The following NR6A1 variants were observed in gnomAD, a reference collection of about 807,000 sequenced individuals.
The protein encoded by NR6A1 is retinoic acid receptor-related testis-associated receptor.
Under a neutral mutation model 59.1 loss-of-function variants are expected in NR6A1, and 7 were observed. The observed-to-expected ratio is 0.12, with a 90% confidence interval of 0.07 to 0.22. NR6A1 has a LOEUF of 0.22. Among genes scored for constraint, NR6A1 ranks in the 10% least tolerant of loss-of-function variants. The probability of loss-of-function intolerance (pLI) is 1.00; values close to 1 mark genes in which losing one functional copy is unlikely to be tolerated. For synonymous variants in NR6A1, 243 were observed against 236.1 expected, an observed-to-expected ratio of 1.03 and a Z score of -0.27; for missense variants, 468 against 611.6, an observed-to-expected ratio of 0.77 and a Z score of 2.48.
At chr9:124,601,661 A>G (rs996691865) in intron 2 of NR6A1, among the ~76,000 whole-genome samples, 1 of 151,598 alleles carries the variant, frequency 6.6e-6, no homozygotes, top group Non-Finnish European at 1.5e-5. Flanking sequence ...TATAAAGCAT[A>G]TATAGAGTAT....
chr9:124,632,597 G>A (rs953079748), intron 2 of NR6A1, among the ~76,000 whole-genome samples: 2 of 152,164 alleles, frequency 1.3e-5, no homozygotes, highest in African/African-American at 4.8e-5. Context: ...TTAGATTTAG[G>A]AGAAAGGATT....
intron 2 of NR6A1, among the ~76,000 whole-genome samples, chr9:124,699,281 T>G (rs1161174140): frequency 1.3e-5 from 2 of 152,186 alleles, no homozygotes; most frequent in Non-Finnish European, 2.9e-5. Flanking sequence ...ACCAGCAGTA[T>G]ATGTGTGCAA....
intron 2 of NR6A1, among the ~76,000 whole-genome samples, chr9:124,555,955 G>A (rs561423600): frequency 1.3e-5 from 2 of 152,194 alleles, no homozygotes; most frequent in Non-Finnish European, 2.9e-5. Flanking sequence ...TGTTAGCAGA[G>A]GGTCATGGTA....
Position 124,522,701 on chromosome 9 carries a change from C to T in NR6A1, c.*4G>A. On this transcript the variant is annotated 3_prime_UTR_variant, in exon 10 of 10. Transcript: ENST00000487099. ...GTTGGCCTGAGGAGGGCGCCTGGAA[C>T]AGGTCATTCCTTGCCCACACTGGTC... The T allele has an allele frequency of 6.4e-7, 1 of 1,569,520 alleles. No homozygotes were observed. The highest frequency in any genetic ancestry group is 8.6e-7 in the Non-Finnish European group (1 of 1,157,742).
intron 2 of NR6A1, among the ~76,000 whole-genome samples, chr9:124,672,283 G>C (rs1837815926): frequency 6.6e-6 from 1 of 152,110 alleles, no homozygotes; most frequent in Non-Finnish European, 1.5e-5. Context: ...ATATCTTTCA[G>C]TGCACACATT....
chr9:124,666,487 C>T (rs942228686), intron 2 of NR6A1, among the ~76,000 whole-genome samples: 2 of 152,090 alleles, frequency 1.3e-5, no homozygotes, highest in African/African-American at 4.8e-5. Context: ...CCATGTTGCC[C>T]AGGCTAGTCT....
chr9:124,619,461 CCA>C (rs1835999165), intron 2 of NR6A1, among the ~76,000 whole-genome samples: 1 of 152,094 alleles, frequency 6.6e-6, no homozygotes, highest in Non-Finnish European at 1.5e-5. Context: ...TAGTGTTTCA[CCA>C]CGTTTCCCAG....
At chr9:124,557,941 C>T (rs537666881) in intron 2 of NR6A1, among the ~76,000 whole-genome samples, 7 of 152,276 alleles carry the variant, frequency 4.6e-5, no homozygotes, top group Admixed American at 2.6e-4. Flanking sequence ...CACTGAACAC[C>T]CACCACAACT....
At chr9:124,649,741 C>T (rs114857032) in intron 2 of NR6A1, among the ~76,000 whole-genome samples, 1,570 of 152,042 alleles carry the variant, frequency 0.01, 26 homozygotes, top group African/African-American at 0.036. Flanking sequence ...ATACACGGAA[C>T]TCAATAGCAA....
chr9:124,736,715 G>A (rs557222872), intron 1 of NR6A1, among the ~76,000 whole-genome samples: 1 of 152,124 alleles, frequency 6.6e-6, no homozygotes, highest in South Asian at 2.1e-4. Flanking sequence ...GTGTGGTGGT[G>A]TATGCCTGTA....
chr9:124,551,809 T>C (rs527886933), intron 3 of NR6A1, among the ~76,000 whole-genome samples: 1 of 152,306 alleles, frequency 6.6e-6, no homozygotes, highest in African/African-American at 2.4e-5. Flanking sequence ...TTTTGACAAA[T>C]GCACAGAATT....
chr9:124,748,104 C>T (rs1298415971), intron 1 of NR6A1, among the ~76,000 whole-genome samples: 1 of 152,150 alleles, frequency 6.6e-6, no homozygotes, highest in Non-Finnish European at 1.5e-5. Flanking sequence ...AATATACCAA[C>T]TTTGATGTTA....
intron 5 of NR6A1, among the ~76,000 whole-genome samples, chr9:124,539,156 T>A (rs1833371311): frequency 6.6e-6 from 1 of 152,086 alleles, no homozygotes; most frequent in African/African-American, 2.4e-5. Context: ...CTACCCACCT[T>A]GACCTCCCAA....
rs923715215 is a variant in NR6A1 at position 124,520,963 on chromosome 9, C to T, written c.*1742G>A. The T allele has an allele frequency of 1.8e-4, 28 of 152,168 alleles. No individual in the cohort carries two copies. Among genetic ancestry groups the T allele is most frequent in the Non-Finnish European group, 1.5e-5 (1 of 68,042 alleles). 9.4% of individuals were successfully genotyped at this position (152,168 alleles called of 1,614,324 possible). On this transcript the variant is annotated 3_prime_UTR_variant, in exon 10 of 10. Coordinates refer to ENST00000487099, the MANE Select transcript of NR6A1 (RefSeq NM_033334.4). ...TCTGCTGGTACCCGTAACATTTCAC[C>T]AGAAAGAAACAATTACAATCAGACA...
rs1832731974 is a variant in NR6A1 at position 124,518,364 on chromosome 9, G to C, written c.*4341C>G. The stretch of plus-strand genomic sequence containing the variant: ...AAAGCAGAAGCCCCAGCTTGCTCCA[G>C]ACTTGGCAGGCTCTCTGGAGTTCCC... On this transcript the variant is annotated 3_prime_UTR_variant, in exon 10 of 10. Coordinates refer to ENST00000487099, the MANE Select transcript of NR6A1 (RefSeq NM_033334.4). 6.6e-6 allele frequency: 1 copy of C among 151,880 alleles called. No individual in the cohort carries two copies. Among genetic ancestry groups the C allele is most frequent in the South Asian group, 2.1e-4 (1 of 4,806 alleles). 9.4% of individuals were successfully genotyped at this position (151,880 alleles called of 1,614,324 possible).
chr9:124,569,569 A>G (rs1355422373), intron 2 of NR6A1, among the ~76,000 whole-genome samples: 1 of 152,208 alleles, frequency 6.6e-6, no homozygotes, highest in Non-Finnish European at 1.5e-5. Context: ...AGGGTATTTA[A>G]AACAAAAGGG....
At chr9:124,549,596 T>G (rs1421606639) in intron 3 of NR6A1, among the ~76,000 whole-genome samples, 1 of 152,178 alleles carries the variant, frequency 6.6e-6, no homozygotes, top group Non-Finnish European at 1.5e-5. Context: ...GATACTCAGT[T>G]CCATATCCAA....
intron 2 of NR6A1, among the ~76,000 whole-genome samples, chr9:124,650,339 C>CA (rs1837060687): frequency 6.6e-6 from 1 of 151,996 alleles, no homozygotes; most frequent in Non-Finnish European, 1.5e-5. Flanking sequence ...CACCGAAAGA[C>CA]AAATATCACA....
At chr9:124,713,116 T>C (rs1379922884) in intron 2 of NR6A1, among the ~76,000 whole-genome samples, 1 of 152,114 alleles carries the variant, frequency 6.6e-6, no homozygotes, top group South Asian at 2.1e-4. Context: ...CTCATATATA[T>C]GGTCAAACAA....
Sources: gnomAD v4.1 joint callset for allele counts (sites outside exome capture counted in the v4.1 genomes callset) on GRCh38, gnomAD v4.1.1 for gene constraint, MANE v1.5 for transcripts, NCBI Gene and HGNC (gene_info 2026-07-23, HGNC 2026-07-21) for gene names.